LARP1B: variants seen among roughly 807,000 people sequenced by gnomAD.
The protein encoded by LARP1B is la-related protein 1B.
In LARP1B, 76 loss-of-function variants were observed where a neutral mutation model predicts 114.2. The observed-to-expected ratio is 0.67, with a 90% confidence interval of 0.55 to 0.81. The LOEUF (loss-of-function observed/expected upper bound fraction) is 0.81. Ranked by LOEUF, LARP1B falls within the 30% of genes least tolerant of loss-of-function variation. LARP1B has a pLI of 0.00. For missense variants in LARP1B, 1,014 were observed against 1,075.8 expected, an observed-to-expected ratio of 0.94 and a Z score of 0.80; for synonymous variants, 345 against 348.0, an observed-to-expected ratio of 0.99 and a Z score of 0.10.
At position 128,211,690 on chromosome 4, in the gene LARP1B, C is replaced by T; in HGVS notation, c.*1637C>T. The T allele has an allele frequency of 1.0e-6, 1 of 985,200 alleles. No homozygotes were observed. The highest frequency in any genetic ancestry group is 4.7e-5 in the South Asian group (1 of 21,274). The allele number at this position is 985,200 out of a possible 1,614,324, so 61.0% of individuals were successfully genotyped here. A position where few individuals can be genotyped will look rare whatever the true frequency, so the allele number is the denominator to read the frequency against. On this transcript the variant is annotated 3_prime_UTR_variant, in exon 20 of 20. Coordinates refer to ENST00000326639, the MANE Select transcript of LARP1B (RefSeq NM_018078.4). ...GAAATTTCCAAACCGTGCTTATTAG[C>T]TTTAAATGGTCTCTTGAAATGATCA...
intron 1 of LARP1B, among the ~76,000 whole-genome samples, chr4:128,068,109 T>A (rs1763761074): frequency 6.6e-6 from 1 of 152,154 alleles, no homozygotes; most frequent in Non-Finnish European, 1.5e-5. Flanking sequence ...CTCGATCTCC[T>A]GACCTCGTGA....
chr4:128,077,749 A>G (rs1188375883), intron 3 of LARP1B, 39 bp from the exon 4 acceptor site: 3 of 1,475,454 alleles, frequency 2.0e-6, no homozygotes, highest in Non-Finnish European at 2.7e-6. Context: ...TAGTGAAAAT[A>G]TTAATGGAAA....
intron 9 of LARP1B, among the ~76,000 whole-genome samples, chr4:128,110,751 C>T (rs574758529): frequency 1.9e-4 from 29 of 149,634 alleles, no homozygotes; most frequent in South Asian, 1.7e-3. Context: ...AACACCTTTA[C>T]GAGTCTTATT....
chr4:128,146,150 G>A (rs1043929115), intron 11 of LARP1B, among the ~76,000 whole-genome samples: 3 of 152,236 alleles, frequency 2.0e-5, no homozygotes, highest in Middle Eastern at 3.4e-3. Flanking sequence ...ATATGTGTAC[G>A]TGTGTGTATC....
At chr4:128,189,042 C>T (rs894549378) in intron 15 of LARP1B, among the ~76,000 whole-genome samples, 18 of 152,128 alleles carry the variant, frequency 1.2e-4, no homozygotes, top group Non-Finnish European at 1.5e-4. Context: ...TTCATTGTAT[C>T]TTTGTTGATT....
At chr4:128,139,725 AAGT>A (rs1330632275) in intron 11 of LARP1B, among the ~76,000 whole-genome samples, 1 of 152,244 alleles carries the variant, frequency 6.6e-6, no homozygotes, top group Non-Finnish European at 1.5e-5. Context: ...ACAAAAGAAG[AAGT>A]CTAAATGACT....
intron 10 of LARP1B, among the ~76,000 whole-genome samples, chr4:128,119,617 A>C (rs1168514653): frequency 6.6e-6 from 1 of 151,958 alleles, no homozygotes; most frequent in Non-Finnish European, 1.5e-5. Flanking sequence ...GTCCATTCCT[A>C]CTCCTTGTAA....
At chr4:128,078,175 A>G (rs1393367042) in intron 4 of LARP1B, among the ~76,000 whole-genome samples, 1 of 152,210 alleles carries the variant, frequency 6.6e-6, no homozygotes, top group South Asian at 2.1e-4. Context: ...ATGCAAGAAA[A>G]TGGAATGGAG....
intron 9 of LARP1B, among the ~76,000 whole-genome samples, chr4:128,112,456 T>C (rs1045703016): frequency 2.7e-5 from 4 of 147,922 alleles, no homozygotes; most frequent in East Asian, 2.0e-4. Flanking sequence ...ATATAGCTAA[T>C]GCTTACTCTA....
chr4:128,203,970 A>G (rs1405782267), intron 17 of LARP1B, among the ~76,000 whole-genome samples: 1 of 152,190 alleles, frequency 6.6e-6, no homozygotes, highest in Non-Finnish European at 1.5e-5. Context: ...GTAAATGACA[A>G]CTGAGAAGGC....
At chr4:128,151,177 A>G (rs908467242) in intron 11 of LARP1B, among the ~76,000 whole-genome samples, 2 of 152,176 alleles carry the variant, frequency 1.3e-5, no homozygotes, top group Non-Finnish European at 2.9e-5. Context: ...AGGTGCATAT[A>G]TATACATTTT....
intron 11 of LARP1B, among the ~76,000 whole-genome samples, chr4:128,130,725 G>A (rs1013833915): frequency 6.6e-6 from 1 of 152,200 alleles, no homozygotes; most frequent in Non-Finnish European, 1.5e-5. Flanking sequence ...TAACCTGAAC[G>A]TGGATGTTTA....
At position 128,140,746 on chromosome 4, in the gene LARP1B, C is replaced by T. The variant is rs564861609; in HGVS notation, c.1524+18558C>T. Among the ~76,000 whole-genome samples the T allele has an allele frequency of 7.9e-5, 12 of 151,550 alleles. No homozygotes were observed. In the South Asian group the frequency reaches 2.5e-3, roughly 32 times the overall value. On this transcript the variant is annotated intron_variant, in intron 11 of 19. Transcript: ENST00000326639. ...GATGGGTAGTACAAAAGAGGCAAGC[C>T]AAAGCTGATTTATTTACTTCTTGAA...
intron 9 of LARP1B, among the ~76,000 whole-genome samples, chr4:128,109,518 G>C (rs1008509759): frequency 6.6e-6 from 1 of 151,984 alleles, no homozygotes; most frequent in Admixed American, 6.6e-5. Flanking sequence ...TTATGGGAAT[G>C]GTAAGATTAC....
intron 11 of LARP1B, among the ~76,000 whole-genome samples, chr4:128,155,061 A>T (rs540474842): frequency 6.6e-6 from 1 of 152,346 alleles, no homozygotes; most frequent in African/African-American, 2.4e-5. Context: ...GGTGTGAGCC[A>T]CTGTGCCCAG....
chr4:128,148,335 G>A (rs192943036), intron 11 of LARP1B, among the ~76,000 whole-genome samples: 1 of 152,026 alleles, frequency 6.6e-6, no homozygotes, highest in African/African-American at 2.4e-5. Context: ...GGAGGTTGAG[G>A]CCGGAGAATC....
intron 12 of LARP1B, among the ~76,000 whole-genome samples, chr4:128,165,186 A>G (rs1740237637): frequency 1.3e-5 from 2 of 151,878 alleles, no homozygotes; most frequent in South Asian, 4.1e-4. Context: ...GAAGGTCTGC[A>G]CATGTGTTTG....
At chr4:128,138,787 A>T (rs961630050) in intron 11 of LARP1B, among the ~76,000 whole-genome samples, 1 of 152,058 alleles carries the variant, frequency 6.6e-6, no homozygotes, top group African/African-American at 2.4e-5. Context: ...GTGAAATCCT[A>T]TCTCTACTAA....
intron 8 of LARP1B, among the ~76,000 whole-genome samples, chr4:128,099,117 G>T (rs1260782529): frequency 6.6e-6 from 1 of 151,370 alleles, no homozygotes; most frequent in Non-Finnish European, 1.5e-5. Flanking sequence ...AGTCCTTCTG[G>T]CTGGGCATGG....
Sources: gnomAD v4.1 joint callset for allele counts (sites outside exome capture counted in the v4.1 genomes callset) on GRCh38, gnomAD v4.1.1 for gene constraint, MANE v1.5 for transcripts, NCBI Gene and HGNC (gene_info 2026-07-23, HGNC 2026-07-21) for gene names.